The following ABCA9 variants were observed in gnomAD, a reference collection of about 807,000 sequenced individuals.
The protein encoded by ABCA9 is ATP binding cassette subfamily A member 9, also known as ATP-binding cassette sub-family A member 9.
ABCA9 carries 183 observed loss-of-function variants against 205.3 expected under a neutral mutation model. That is an observed-to-expected ratio of 0.89 (90% confidence interval 0.79 to 1.01). ABCA9 has a LOEUF of 1.01. ABCA9 is among the 50% of genes least tolerant of loss of function. The pLI is 0.00. For missense variants in ABCA9, 1,805 were observed against 1,912.4 expected, an observed-to-expected ratio of 0.94 and a Z score of 1.05; for synonymous variants, 651 against 683.3, an observed-to-expected ratio of 0.95 and a Z score of 0.74.
chr17:69,036,871 CAAAAAAAAAAAAA>C (rs781565554), intron 6 of ABCA9, among the ~76,000 whole-genome samples: 4 of 4,712 alleles, frequency 8.5e-4, no homozygotes, highest in African/African-American at 1.2e-3. Context: ...AAATGGAAAG[CAAAAAAAAAAAAA>C]AAAAAAAAAA....
intron 31 of ABCA9, among the ~76,000 whole-genome samples, chr17:68,987,956 G>C (rs140083522): frequency 1.1e-4 from 16 of 152,254 alleles, no homozygotes; most frequent in African/African-American, 3.6e-4. Context: ...TAGAGATGGT[G>C]CTTCTCCATG....
the ABCA9 span, among the ~76,000 whole-genome samples, chr17:69,075,338 T>C: frequency 6.6e-6 from 1 of 152,176 alleles, no homozygotes; most frequent in Non-Finnish European, 1.5e-5. Context: ...TCCAGAATGG[T>C]GTTTCCTAGG....
At chr17:69,027,178 T>A in intron 14 of ABCA9, 64 bp from the exon 15 acceptor site, 1 of 1,585,646 alleles carries the variant, frequency 6.3e-7, no homozygotes, top group African/African-American at 1.4e-5. Flanking sequence ...TAAAAAGCAC[T>A]GTACTTTTAA....
chr17:69,073,913 G>A, the ABCA9 span, among the ~76,000 whole-genome samples: 1 of 152,128 alleles, frequency 6.6e-6, no homozygotes, highest in Non-Finnish European at 1.5e-5. Context: ...TGTTGCCCAG[G>A]ATGGTCTTGA....
At chr17:69,050,062 A>T (rs566293428) in intron 2 of ABCA9, among the ~76,000 whole-genome samples, 1 of 152,110 alleles carries the variant, frequency 6.6e-6, no homozygotes, top group Non-Finnish European at 1.5e-5. Context: ...GATACTACAC[A>T]TAAGTCCTTT....
the ABCA9 span, among the ~76,000 whole-genome samples, chr17:69,070,826 T>C: frequency 3.9e-5 from 6 of 152,152 alleles, no homozygotes; most frequent in Non-Finnish European, 8.8e-5. Flanking sequence ...AGCCCAGCAA[T>C]GTCAGATCCA....
chr17:68,993,244 A>G (rs932031854), intron 26 of ABCA9, among the ~76,000 whole-genome samples, 160 bp from the exon 27 acceptor site: 1 of 152,322 alleles, frequency 6.6e-6, no homozygotes, highest in Non-Finnish European at 1.5e-5. Context: ...ACTGTGCAGT[A>G]TGTCTTCTTT....
At chr17:69,075,062 T>C in the ABCA9 span, among the ~76,000 whole-genome samples, 1 of 152,210 alleles carries the variant, frequency 6.6e-6, no homozygotes, top group Admixed American at 6.5e-5. Context: ...GAAGTGTCTG[T>C]TCATGTTTTT....
At chr17:69,076,899 C>CT in the ABCA9 span, among the ~76,000 whole-genome samples, 7 of 151,730 alleles carry the variant, frequency 4.6e-5, no homozygotes, top group Admixed American at 2.0e-4. Context: ...GATTTTCTCT[C>CT]TTTTTTTTCT....
At chr17:68,988,286 A>G (rs1301223263) in intron 31 of ABCA9, among the ~76,000 whole-genome samples, 2 of 152,044 alleles carry the variant, frequency 1.3e-5, no homozygotes, top group Non-Finnish European at 2.9e-5. Flanking sequence ...TAGACATACC[A>G]CTAAATGGTA....
In ABCA9 at chr17:68,982,648, A is replaced by G; in HGVS notation, c.4641-7T>C. The G allele has an allele frequency of 6.2e-7, 1 of 1,612,532 alleles. No homozygotes were observed. Among genetic ancestry groups the G allele is most frequent in the Non-Finnish European group, 8.5e-7 (1 of 1,178,600 alleles). On this transcript the variant is annotated splice_region_variant and splice_polypyrimidine_tract_variant and intron_variant, in intron 36 of 38. Coordinates refer to ENST00000340001, the MANE Select transcript of ABCA9 (RefSeq NM_080283.4). The stretch of plus-strand genomic sequence containing the variant: ...GACCATCAGGGAGGAGAACCTGCGA[A>G]GAGAAGACAGTGAGGCTGAACTCCA...
rs113625589 is a variant in ABCA9 at position 69,021,678 on chromosome 17, G to GTCCTTCCT, written c.2401+56_2401+63dup. The GTCCTTCCT allele has an allele frequency of 2.2e-4, 230 of 1,048,444 alleles. No individual in the cohort carries two copies. The African/African-American group carries it at 3.0e-3, about 14-fold the overall frequency. 64.9% of individuals were successfully genotyped at this position (1,048,444 alleles called of 1,614,324 possible). On this transcript the variant is annotated intron_variant, in intron 18 of 38. Transcript: ENST00000340001. ...CACACAAAGATAAAATCTTTCTTTC[G>GTCCTTCCT]TCCTTCCTTCCTTCCTTCCTTTCTT...
intron 25 of ABCA9, among the ~76,000 whole-genome samples, chr17:69,006,658 G>A (rs529814056): frequency 1.3e-5 from 2 of 152,146 alleles, no homozygotes; most frequent in Non-Finnish European, 1.5e-5. Flanking sequence ...TGGGATGGAA[G>A]GGGGCTTCTA....
chr17:68,998,404 G>T (rs907733487), intron 25 of ABCA9, among the ~76,000 whole-genome samples: 1 of 152,134 alleles, frequency 6.6e-6, no homozygotes, highest in Non-Finnish European at 1.5e-5. Flanking sequence ...CCTCAGATGT[G>T]TGAAAAGTGA....
At chr17:68,986,984 A>G (rs564506709) in intron 31 of ABCA9, among the ~76,000 whole-genome samples, 8 of 152,332 alleles carry the variant, frequency 5.3e-5, no homozygotes, top group East Asian at 3.9e-4. Context: ...CAATATACAC[A>G]TGATAGCATT....
rs751944388 is a variant in ABCA9 at position 69,043,684 on chromosome 17, A to G, written c.605T>C (p.Leu202Pro). 2 of 1,608,434 alleles carry G rather than the reference A, an allele frequency of 1.2e-6. No individual in the cohort carries two copies. The highest frequency in any genetic ancestry group is 2.2e-5 in the South Asian group (2 of 89,760). The change falls in exon 6 of 39, where the codon CTG becomes CCG. Residue 202 changes from leucine to proline, a missense_variant. Transcript: ENST00000340001. ...IATNHSVMEQLMSVTGVHMKI... is the reference protein window; with the variant it reads ...IATNHSVMEQPMSVTGVHMKI... ...CATATGTACACCAGTAACTGACATCAGCTGTTCCATCACTGAATGATTTGT... is the reference window on the plus strand; with the variant it reads ...CATATGTACACCAGTAACTGACATCGGCTGTTCCATCACTGAATGATTTGT...
intron 24 of ABCA9, 47 bp downstream of exon 24, chr17:69,008,015 A>G (rs1406359506): frequency 1.3e-6 from 2 of 1,533,220 alleles, no homozygotes; most frequent in East Asian, 4.5e-5. Context: ...TACTGCATTC[A>G]TGAAAAAATA....
chr17:68,998,541 A>G lies in ABCA9; in HGVS notation c.3436-2527T>C, dbSNP rs569790937. On this transcript the variant is annotated intron_variant, in intron 25 of 38. Coordinates refer to ENST00000340001, the MANE Select transcript of ABCA9 (RefSeq NM_080283.4). Reference sequence around the variant, plus strand: ...TCATAATGAATATTGATCATTCCATAACAGTTCTTTCTAAATTTAAGAATT... The same window carrying G: ...TCATAATGAATATTGATCATTCCATGACAGTTCTTTCTAAATTTAAGAATT... Among the ~76,000 whole-genome samples the G allele has an allele frequency of 3.3e-5, 5 of 152,274 alleles. No homozygotes were observed. The East Asian group carries it at 7.7e-4, about 23-fold the overall frequency.
intron 34 of ABCA9, 29 bp downstream of exon 34, chr17:68,984,856 T>C: frequency 6.2e-7 from 1 of 1,614,102 alleles, no homozygotes; most frequent in Non-Finnish European, 8.5e-7. Context: ...AATACACTCA[T>C]GCAGAGGTTG....
Sources: allele counts gnomAD v4.1 joint callset (sites outside exome capture counted in the v4.1 genomes callset), GRCh38; gene constraint gnomAD v4.1.1; transcripts MANE v1.5; gene names NCBI Gene and HGNC (gene_info 2026-07-23, HGNC 2026-07-21).